The following LRFN2 variants were observed in gnomAD, a reference collection of about 807,000 sequenced individuals.
LRFN2 encodes the protein leucine rich repeat and fibronectin type III domain containing 2.
A neutral mutation model predicts 37.3 loss-of-function variants in LRFN2; 18 were observed. The observed-to-expected ratio is 0.48, with a 90% CI of 0.33 to 0.72. The LOEUF (loss-of-function observed/expected upper bound fraction) is 0.72, where lower values mean the gene tolerates loss of function less well. LRFN2 is among the 30% of genes least tolerant of loss of function. LRFN2 has a pLI of 0.02. For synonymous variants in LRFN2, 556 were observed against 466.6 expected, an observed-to-expected ratio of 1.19 and a Z score of -2.47; for missense variants, 1,006 against 1,060.7, an observed-to-expected ratio of 0.95 and a Z score of 0.72.
intron 1 of LRFN2, among the ~76,000 whole-genome samples, chr6:40,555,702 A>G (rs1208318632): frequency 6.6e-6 from 1 of 152,044 alleles, no homozygotes; most frequent in Non-Finnish European, 1.5e-5. Context: ...CAAAGTCTCC[A>G]GAAACCTGTT....
chr6:40,575,118 C>G (rs1263733720), intron 1 of LRFN2, among the ~76,000 whole-genome samples: 1 of 152,132 alleles, frequency 6.6e-6, no homozygotes, highest in African/African-American at 2.4e-5. Context: ...GACCCAGTCA[C>G]CCCTCCCAAC....
At chr6:40,424,433 A>T (rs1763299546) in intron 2 of LRFN2, among the ~76,000 whole-genome samples, 1 of 152,202 alleles carries the variant, frequency 6.6e-6, no homozygotes, top group Non-Finnish European at 1.5e-5. Context: ...AAAGGGCTGG[A>T]TGTAGAAGAC....
chr6:40,460,769 G>C (rs914219295), intron 1 of LRFN2, among the ~76,000 whole-genome samples: 3 of 152,160 alleles, frequency 2.0e-5, no homozygotes, highest in Non-Finnish European at 2.9e-5. Context: ...GAAAGATGAG[G>C]AGACTTCATA....
chr6:40,580,877 G>C (rs1268657433), intron 1 of LRFN2, among the ~76,000 whole-genome samples: 1 of 152,196 alleles, frequency 6.6e-6, no homozygotes, highest in Non-Finnish European at 1.5e-5. Flanking sequence ...GTGAGTATTT[G>C]GGAGTGTGTA....
rs767499473 is a variant in LRFN2 at position 40,391,963 on chromosome 6, C to T, written c.2350G>A (p.Val784Met). ...ARGTFGSSEW[V>M]MESTV ...CCCACCTAGACCGTGCTCTCCATCA[C>T]CCATTCGGAGCTGCCAAAAGTCCCC... Residue 784 changes from valine (V) to methionine (M), a missense_variant, in exon 3 of 3, where the codon GTG becomes ATG. By Grantham distance (21) the Val-to-Met change is conservative (BLOSUM62 1). This residue lies in a region of LRFN2 where 398 missense variants were observed against 327.6 expected (regional missense o/e 1.21). Transcript: ENST00000338305. The T allele has an allele frequency of 2.5e-6, 4 of 1,587,082 alleles. No individual in the cohort carries two copies. In the Admixed American group the frequency reaches 6.9e-5, roughly 27 times the overall value.
At chr6:40,501,210 T>G (rs1765373312) in intron 1 of LRFN2, among the ~76,000 whole-genome samples, 1 of 151,428 alleles carries the variant, frequency 6.6e-6, no homozygotes, top group Admixed American at 6.6e-5. Context: ...ATATTTTCAT[T>G]TAAAAAGACT....
intron 1 of LRFN2, among the ~76,000 whole-genome samples, chr6:40,570,699 C>T (rs1581799776): frequency 1.3e-5 from 2 of 152,304 alleles, no homozygotes; most frequent in South Asian, 4.1e-4. Flanking sequence ...CAGGCCATCC[C>T]TAAAAGCAAT....
Position 40,514,215 on chromosome 6 carries a change from G to A in LRFN2, c.-19+72726C>T, listed in dbSNP as rs961676844. On this transcript the variant is annotated intron_variant, in intron 1 of 2. Transcript: ENST00000338305. ...CTAAGAACTCCATGTGAAAGAAAGC[G>A]TTCCATGCTCCAGATAGTTTTGACC... 9.2e-5 allele frequency among the ~76,000 whole-genome samples: 14 copies of A among 152,082 alleles called. No individual in the cohort carries two copies. In the East Asian group the frequency reaches 1.4e-3, roughly 15 times the overall value.
chr6:40,495,121 T>C (rs1056047658), intron 1 of LRFN2, among the ~76,000 whole-genome samples: 6 of 152,206 alleles, frequency 3.9e-5, no homozygotes, highest in African/African-American at 1.4e-4. Flanking sequence ...AGTGTTCCTA[T>C]ACTTTCCTAA....
At chr6:40,439,338 A>T (rs1763775892) in intron 1 of LRFN2, among the ~76,000 whole-genome samples, 1 of 152,024 alleles carries the variant, frequency 6.6e-6, no homozygotes, top group South Asian at 2.1e-4. Context: ...AGGGGTTGGG[A>T]TCTGCCAGGG....
chr6:40,467,583 C>T (rs1324486153), intron 1 of LRFN2, among the ~76,000 whole-genome samples: 1 of 152,144 alleles, frequency 6.6e-6, no homozygotes, highest in Non-Finnish European at 1.5e-5. Flanking sequence ...GAGCTATCTG[C>T]AACCTGAATG....
chr6:40,471,062 T>TG (rs946840182), intron 1 of LRFN2, among the ~76,000 whole-genome samples: 4 of 150,596 alleles, frequency 2.7e-5, no homozygotes, highest in African/African-American at 9.8e-5. Context: ...GTGAGGGGCG[T>TG]GGGGGGCAGT....
intron 1 of LRFN2, among the ~76,000 whole-genome samples, chr6:40,495,212 A>G (rs116482572): frequency 1.3e-5 from 2 of 152,238 alleles, no homozygotes; most frequent in Admixed American, 1.3e-4. Flanking sequence ...CAGCTTTGAT[A>G]CACACTTCAC....
chr6:40,396,270 C>G (rs1224463485), intron 2 of LRFN2, among the ~76,000 whole-genome samples: 1 of 151,996 alleles, frequency 6.6e-6, no homozygotes, highest in Non-Finnish European at 1.5e-5. Context: ...CCCAAGGAGG[C>G]CCAGCTAGTA....
chr6:40,446,706 G>C (rs1331628252), intron 1 of LRFN2, among the ~76,000 whole-genome samples: 2 of 152,264 alleles, frequency 1.3e-5, no homozygotes, highest in Admixed American at 1.3e-4. Context: ...CTGCACAGAG[G>C]AAGACACACA....
intron 2 of LRFN2, among the ~76,000 whole-genome samples, chr6:40,415,147 T>G (rs1211119045): frequency 6.6e-6 from 1 of 152,172 alleles, no homozygotes; most frequent in African/African-American, 2.4e-5. Flanking sequence ...CAGAAAAACA[T>G]GCCAGTCTTT....
chr6:40,494,038 A>T lies in LRFN2; in HGVS notation c.-18-60907T>A, dbSNP rs150405174. On this transcript the variant is annotated intron_variant, in intron 1 of 2. Coordinates refer to ENST00000338305, the MANE Select transcript of LRFN2 (RefSeq NM_020737.3). ...CCTCCCCTAGGGACAGTCAGAGAGG[A>T]GCTTCTTGCTAATGTCTTGGTCAGT... Among the ~76,000 whole-genome samples the T allele has an allele frequency of 3.5e-3, 527 of 152,330 alleles. 3 individuals carry two copies. The highest frequency in any genetic ancestry group is 4.9e-3 in the Non-Finnish European group (330 of 68,034).
chr6:40,579,613 AACACAC>A (rs34819147), intron 1 of LRFN2, among the ~76,000 whole-genome samples: 9 of 145,056 alleles, frequency 6.2e-5, no homozygotes, highest in South Asian at 2.2e-4. Context: ...AACACACACA[AACACAC>A]ACACACACAC....
chr6:40,455,629 G>A (rs1764218609), intron 1 of LRFN2, among the ~76,000 whole-genome samples: 1 of 152,210 alleles, frequency 6.6e-6, no homozygotes, highest in African/African-American at 2.4e-5. Context: ...GTGCAAACCT[G>A]AGGATTTACC....
Sources: gnomAD v4.1 joint callset for allele counts (sites outside exome capture counted in the v4.1 genomes callset) on GRCh38, gnomAD v4.1.1 for gene constraint, gnomAD v4.1.1 regional missense constraint, MANE v1.5 for transcripts, NCBI Gene and HGNC (gene_info 2026-07-23, HGNC 2026-07-21) for gene names.